DNAH1: variants seen among roughly 807,000 people sequenced by gnomAD.
DNAH1 encodes the protein dynein axonemal heavy chain 1.
Under a neutral mutation model 484.3 loss-of-function variants are expected in DNAH1, and 327 were observed. The ratio of observed to expected loss-of-function variants is 0.68; its 90% confidence interval spans 0.62 to 0.74. The LOEUF is 0.74. Ranked by LOEUF, DNAH1 falls within the 30% of genes least tolerant of loss-of-function variation. The probability of loss-of-function intolerance (pLI) is 0.00; values close to 1 mark genes in which losing one functional copy is unlikely to be tolerated. For synonymous variants in DNAH1, 2,192 were observed against 2,191.9 expected, an observed-to-expected ratio of 1.00 and a Z score of 0.00; for missense variants, 5,052 against 5,546.8, an observed-to-expected ratio of 0.91 and a Z score of 2.83.
intron 7 of DNAH1, 65 bp downstream of exon 7, chr3:52,331,374 G>A: frequency 6.5e-7 from 1 of 1,527,168 alleles, no homozygotes; most frequent in Admixed American, 2.1e-5. Context: ...TGTGACTGAG[G>A]CCAACTCCGC....
At chr3:52,324,674 C>T (rs1701270718) in intron 3 of DNAH1, among the ~76,000 whole-genome samples, 2 of 152,172 alleles carry the variant, frequency 1.3e-5, no homozygotes, top group Admixed American at 1.3e-4. Context: ...CATTTGCGCA[C>T]TTATCTGAGG....
Position 52,360,358 on chromosome 3 carries a change from A to AG in DNAH1, c.4620dup (p.Phe1541ValfsTer6), listed in dbSNP as rs750327895. On this transcript the variant is annotated frameshift_variant, in exon 28 of 78. Coordinates refer to ENST00000420323, the MANE Select transcript of DNAH1 (RefSeq NM_015512.5). LOFTEE classifies it high-confidence loss of function. Reference sequence around the variant, plus strand: ...CTGTATATCCGTGCTGTGAATGCTGAGTTCATCTATGGCTATGAGTACCTG... The same window carrying AG: ...CTGTATATCCGTGCTGTGAATGCTGAGGTTCATCTATGGCTATGAGTACCTG... 1 of 1,613,974 alleles carries AG rather than the reference A, an allele frequency of 6.2e-7. No individual in the cohort carries two copies. Among genetic ancestry groups the AG allele is most frequent in the Non-Finnish European group, 8.5e-7 (1 of 1,179,874 alleles).
chr3:52,356,679 T>C lies in DNAH1; in HGVS notation c.3759T>C (p.Ser1253=), dbSNP rs766634227. The change falls in exon 22 of 78, where the codon TCT becomes TCC. Residue 1253 remains serine, a synonymous_variant. Transcript: ENST00000420323. ...SWLYLEPIFS[S]EDINQQLPVE... is the part of the protein sequence containing the mutation. ...TCTACCTGGAGCCCATCTTTAGCTC[T>C]GAGGACATCAACCAGCAGCTGCCTG... The C allele has an allele frequency of 6.2e-7, 1 of 1,613,948 alleles. No individual in the cohort carries two copies. The highest frequency in any genetic ancestry group is 1.1e-5 in the South Asian group (1 of 91,074).
intron 15 of DNAH1, 90 bp downstream of exon 15, chr3:52,350,198 G>A (rs1246692230): frequency 4.1e-5 from 63 of 1,531,876 alleles, no homozygotes; most frequent in Non-Finnish European, 5.0e-5. Context: ...CTGGGAGGTC[G>A]GACTCAGGAG....
rs2153225576 is a variant in DNAH1, at chr3:52,391,572, C to T, written c.10021C>T (p.Leu3341Phe). 6.2e-7 allele frequency: 1 copy of T among 1,613,890 alleles called. No individual in the cohort carries two copies. Among genetic ancestry groups the T allele is most frequent in the Non-Finnish European group, 8.5e-7 (1 of 1,179,846 alleles). The part of the protein sequence containing the change: ...PHYTPEISTK[L>F]TLINFTLSPS... ...CTACACGCCCGAGATCTCCACCAAA[C>T]TCACCCTCATCAACTTCACCCTGTC... The change falls in exon 63 of 78, where the codon CTC (leucine) becomes TTC (phenylalanine). Residue 3341 changes from leucine to phenylalanine, a missense_variant. Physicochemically the swap from Leu to Phe is conservative, Grantham distance 22. Transcript: ENST00000420323.
chr3:52,364,871 G>C lies in DNAH1; in HGVS notation c.5370G>C (p.Val1790=). 6.2e-7 allele frequency: 1 copy of C among 1,613,972 alleles called. No individual in the cohort carries two copies. The highest frequency in any genetic ancestry group is 1.1e-5 in the South Asian group (1 of 91,080). The part of the protein sequence containing the change: ...ICLRAIRDVN[V]PKFLQEDLKL... Reference sequence around the variant, plus strand: ...TCCGGGCCATCCGTGATGTGAACGTGCCCAAGTTCCTGCAGGAGGACCTCA... The same window carrying C: ...TCCGGGCCATCCGTGATGTGAACGTCCCCAAGTTCCTGCAGGAGGACCTCA... The change falls in exon 34 of 78, where the codon GTG becomes GTC. Residue 1790 remains valine (V), a synonymous_variant. Transcript: ENST00000420323. This position sits in a 1 kb window ranked among gnomAD's most constrained non-coding sequence, Gnocchi z 4.2.
At chr3:52,337,940 G>T (rs1255296799) in intron 8 of DNAH1, among the ~76,000 whole-genome samples, 2 of 152,050 alleles carry the variant, frequency 1.3e-5, no homozygotes, top group African/African-American at 4.8e-5. Context: ...GACCACAGGT[G>T]TGAGCTACCA....
intron 54 of DNAH1, 145 bp from the exon 55 acceptor site, chr3:52,386,015 C>A: frequency 1.1e-6 from 1 of 920,968 alleles, no homozygotes. Flanking sequence ...GTGGAAGGGG[C>A]TCCTGGTATT....
chr3:52,349,961 C>A, intron 14 of DNAH1, 28 bp from the exon 15 acceptor site: 1 of 1,585,704 alleles, frequency 6.3e-7, no homozygotes, highest in South Asian at 1.2e-5. Flanking sequence ...AGCATGCTGC[C>A]CTCCCCAGCG....
Position 52,361,212 on chromosome 3 carries a change from C to A in DNAH1, c.4734C>A (p.Ala1578=). The change falls in exon 29 of 78, where the codon GCC becomes GCA. Residue 1578 remains alanine, a synonymous_variant. Transcript: ENST00000420323. The surrounding 1 kb of genome is among the most constrained non-coding windows in gnomAD (Gnocchi z 5.6). ...TGALHLKFGG[A]PAGPAGTGKT... Reference sequence around the variant, plus strand: ...CTCTGCACCTCAAGTTTGGGGGTGCCCCAGCTGGCCCAGCTGGCACAGGCA... The same window carrying A: ...CTCTGCACCTCAAGTTTGGGGGTGCACCAGCTGGCCCAGCTGGCACAGGCA... 1 of 1,612,088 alleles carries A rather than the reference C, an allele frequency of 6.2e-7. No individual in the cohort carries two copies.
At chr3:52,317,328 C>T (rs1700981746) in intron 1 of DNAH1, among the ~76,000 whole-genome samples, 1 of 152,064 alleles carries the variant, frequency 6.6e-6, no homozygotes, top group Non-Finnish European at 1.5e-5. Flanking sequence ...GGCGCCCGAG[C>T]CGAGGGGTGT....
Position 52,397,727 on chromosome 3 carries a change from G to C in DNAH1, c.11808G>C (p.Lys3936Asn). The C allele has an allele frequency of 2.5e-6, 4 of 1,611,322 alleles. No individual in the cohort carries two copies. The highest frequency in any genetic ancestry group is 3.4e-6 in the Non-Finnish European group (4 of 1,178,440). The change falls in exon 74 of 78, where the codon AAG becomes AAC. Residue 3936 changes from lysine (K) to asparagine (N), a missense_variant. By Grantham distance (94) the Lys-to-Asn change is moderately conservative. Coordinates refer to ENST00000420323, the MANE Select transcript of DNAH1 (RefSeq NM_015512.5). ...CCTAGGGCTACCTCTCCTACATCAA[G>C]AGCCTCCCACTCAATGATATGCCTG... ...YDLHGYLSYI[K>N]SLPLNDMPEI...
At chr3:52,344,707 C>T in intron 9 of DNAH1, 60 bp downstream of exon 9, 1 of 1,538,966 alleles carries the variant, frequency 6.5e-7, no homozygotes. Context: ...AGCCCCCTCC[C>T]ACCTTCCCCT....
chr3:52,362,846 C>G lies in DNAH1; in HGVS notation c.5095-149C>G. On this transcript the variant is annotated intron_variant, in intron 31 of 77. Transcript: ENST00000420323. The surrounding 1 kb of genome is among the most constrained non-coding windows in gnomAD (Gnocchi z 5.1). ...CCAAGGATCCACTCTAATGGCAGAG[C>G]TACCAGTCTCAGGGGAGTGAAAGCC... is the stretch of plus-strand genomic sequence containing the variant. 9.1e-7 allele frequency: 1 copy of G among 1,103,056 alleles called. No individual in the cohort carries two copies. The highest frequency in any genetic ancestry group is 1.4e-5 in the South Asian group (1 of 70,068). The allele number at this position is 1,103,056 out of a possible 1,614,324, so 68.3% of individuals were successfully genotyped here.
At chr3:52,324,637 G>A (rs1701268990) in intron 3 of DNAH1, among the ~76,000 whole-genome samples, 1 of 152,106 alleles carries the variant, frequency 6.6e-6, no homozygotes, top group African/African-American at 2.4e-5. Context: ...GGAGCCCACA[G>A]GCCTTAGAAA....
intron 8 of DNAH1, among the ~76,000 whole-genome samples, chr3:52,335,376 G>T (rs1701705176): frequency 7.3e-6 from 1 of 137,704 alleles, no homozygotes; most frequent in Non-Finnish European, 1.5e-5. Context: ...ATTTTTTTTT[G>T]CTTTTTAAAC....
intron 46 of DNAH1, 123 bp downstream of exon 46, chr3:52,376,116 T>C: frequency 3.2e-6 from 4 of 1,246,884 alleles, no homozygotes; most frequent in Admixed American, 2.6e-5. Flanking sequence ...TGCAGGGACC[T>C]TGGGCCACTA....
chr3:52,396,944 A>G lies in DNAH1; in HGVS notation c.11687A>G (p.Asn3896Ser). ...GACTGGGACCGGCGCTGCATCATGA[A>G]CATCTTGGAGGACTTCTACAACCCT... Reference protein sequence around the residue: ...TDDWDRRCIMNILEDFYNPDV... With the variant: ...TDDWDRRCIMSILEDFYNPDV... Residue 3896 changes from asparagine to serine, a missense_variant, in exon 73 of 78, where the codon AAC (asparagine) becomes AGC (serine). Asn to Ser is a conservative substitution (Grantham distance 46). Around this residue, in one of 4 missense-constraint regions of DNAH1, gnomAD observed 853 missense variants for 899.0 expected, o/e 0.95. Coordinates refer to ENST00000420323, the MANE Select transcript of DNAH1 (RefSeq NM_015512.5). 1 of 1,613,496 alleles carries G rather than the reference A, an allele frequency of 6.2e-7. No homozygotes were observed. The highest frequency in any genetic ancestry group is 8.5e-7 in the Non-Finnish European group (1 of 1,179,854).
chr3:52,349,929 A>G (rs1459306976), intron 14 of DNAH1, 60 bp from the exon 15 acceptor site: 3 of 1,544,290 alleles, frequency 1.9e-6, no homozygotes, highest in Non-Finnish European at 1.8e-6. Flanking sequence ...GAGGAAGAGC[A>G]GGTGAGGGAA....
Sources: gnomAD v4.1 joint callset for allele counts (sites outside exome capture counted in the v4.1 genomes callset) on GRCh38, gnomAD v4.1.1 for gene constraint, gnomAD v4.1.1 regional missense constraint, Gnocchi (gnomAD v3.1) non-coding constraint, MANE v1.5 for transcripts, NCBI Gene and HGNC (gene_info 2026-07-23, HGNC 2026-07-21) for gene names.